Variants in TMTC1 observed in about 807,000 individuals in gnomAD.
TMTC1 encodes the protein transmembrane O-mannosyltransferase targeting cadherins 1.
Under a neutral mutation model 104.8 loss-of-function variants are expected in TMTC1, and 73 were observed. That is an observed-to-expected ratio of 0.70 (90% CI 0.58 to 0.85). The LOEUF (loss-of-function observed/expected upper bound fraction) is 0.85. Among genes scored for constraint, TMTC1 ranks in the 40% least tolerant of loss-of-function variants. The pLI is 0.00. For synonymous variants in TMTC1, 434 were observed against 428.7 expected (o/e 1.01, Z -0.15); for missense variants, 1,035 against 1,096.1 (o/e 0.94, Z 0.79).
chr12:29,521,501 T>C (rs1944157081), intron 11 of TMTC1, among the ~76,000 whole-genome samples: 1 of 152,160 alleles, frequency 6.6e-6, no homozygotes, highest in African/African-American at 2.4e-5. Flanking sequence ...TGTCTAAAGA[T>C]TCACTTTAGC....
intron 7 of TMTC1, among the ~76,000 whole-genome samples, chr12:29,597,093 A>G (rs771770081): frequency 2.0e-4 from 31 of 152,254 alleles, no homozygotes; most frequent in Non-Finnish European, 2.9e-4. Flanking sequence ...CCGCAGTATC[A>G]TCTCTTGAAG....
At chr12:29,781,180 G>A (rs972158139) in intron 1 of TMTC1, among the ~76,000 whole-genome samples, 1 of 152,054 alleles carries the variant, frequency 6.6e-6, no homozygotes, top group Admixed American at 6.5e-5. Context: ...TGCATGTGAG[G>A]ACAGAAAGAC....
At chr12:29,740,089 TTACTC>T (rs1359305962) in intron 5 of TMTC1, among the ~76,000 whole-genome samples, 1 of 152,144 alleles carries the variant, frequency 6.6e-6, no homozygotes, top group African/African-American at 2.4e-5. Flanking sequence ...TCATCATAGT[TTACTC>T]TAGGCAGGAA....
chr12:29,673,161 A>G (rs1445508979), intron 5 of TMTC1, among the ~76,000 whole-genome samples: 1 of 152,224 alleles, frequency 6.6e-6, no homozygotes, highest in East Asian at 1.9e-4. Flanking sequence ...GGGGAGATAC[A>G]TTATACTTTA....
chr12:29,568,820 TGACTTGTTGGGTGGTCTCTGGACTTTC>T (rs1246760973), intron 9 of TMTC1: 32 of 430,076 alleles, frequency 7.4e-5, no homozygotes, highest in African/African-American at 5.5e-4. Context: ...TAGGAAGGGC[TGACTTGTTGGGTGGTCTCTGGACTTTC>T]TACTCCCATC....
chr12:29,663,750 C>T (rs1940145583), intron 5 of TMTC1, among the ~76,000 whole-genome samples: 2 of 148,960 alleles, frequency 1.3e-5, no homozygotes, highest in African/African-American at 2.5e-5. Context: ...CTCCTGACCT[C>T]AGGTGATCCA....
Position 29,575,055 on chromosome 12 carries a change from ATTGTTTTATCCT to A in TMTC1, c.1419-2849_1419-2838del, listed in dbSNP as rs769411937. On this transcript the variant is annotated intron_variant, in intron 8 of 17. Transcript: ENST00000539277. ...CGAGGAGGGGTGGGAGCAGGAAGGG[ATTGTTTTATCCT>A]TTGTAGCTGCTTCAGAAACAATGTC... is the stretch of plus-strand genomic sequence containing the variant. Among the ~76,000 whole-genome samples the A allele has an allele frequency of 3.0e-4, 45 of 152,206 alleles. 1 individual carries two copies. The highest frequency in any genetic ancestry group is 3.4e-3 in the Middle Eastern group (1 of 294).
At chr12:29,688,226 G>A (rs1306410993) in intron 5 of TMTC1, among the ~76,000 whole-genome samples, 2 of 152,060 alleles carry the variant, frequency 1.3e-5, no homozygotes, top group Non-Finnish European at 2.9e-5. Context: ...TTTCCTAAGG[G>A]TCAACCAGAA....
At chr12:29,712,931 G>A (rs1048695849) in intron 5 of TMTC1, among the ~76,000 whole-genome samples, 7 of 152,090 alleles carry the variant, frequency 4.6e-5, no homozygotes, top group African/African-American at 1.7e-4. Context: ...AGGCTACGGT[G>A]TTCAGTTGTT....
chr12:29,704,839 C>T (rs1258852453), intron 5 of TMTC1, among the ~76,000 whole-genome samples: 5 of 152,182 alleles, frequency 3.3e-5, no homozygotes, highest in Non-Finnish European at 7.4e-5. Flanking sequence ...TGGTTCTACT[C>T]CACTTCCAGG....
chr12:29,516,299 C>T (rs771747197), intron 15 of TMTC1, 50 bp downstream of exon 15: 2 of 1,572,730 alleles, frequency 1.3e-6, no homozygotes, highest in South Asian at 2.3e-5. Context: ...TAGGTGCACC[C>T]CATGTTTAAC....
chr12:29,703,536 G>T (rs1164668397), intron 5 of TMTC1, among the ~76,000 whole-genome samples: 1 of 152,070 alleles, frequency 6.6e-6, no homozygotes, highest in African/African-American at 2.4e-5. Flanking sequence ...TAGAGAACTG[G>T]TTGCTTTTTT....
At chr12:29,581,698 G>A (rs1945985202) in intron 8 of TMTC1, among the ~76,000 whole-genome samples, 1 of 152,008 alleles carries the variant, frequency 6.6e-6, no homozygotes, top group African/African-American at 2.4e-5. Context: ...CCTTTATTCA[G>A]GCAAAAGGTT....
rs760976880 is a variant in TMTC1 at position 29,536,158 on chromosome 12, T to C, written c.1785+51A>G. On this transcript the variant is annotated intron_variant, in intron 11 of 17. Coordinates refer to ENST00000539277, the MANE Select transcript of TMTC1 (RefSeq NM_001193451.2). Reference sequence around the variant, plus strand: ...AGTACAAAAATCTGTGTAACATTAATTTATACATGTAACAATAACATTGAA... The same window carrying C: ...AGTACAAAAATCTGTGTAACATTAACTTATACATGTAACAATAACATTGAA... 4 of 1,185,092 alleles carry C rather than the reference T, an allele frequency of 3.4e-6. No individual in the cohort carries two copies. In the South Asian group the frequency reaches 5.0e-5, roughly 15 times the overall value. The allele number at this position is 1,185,092 out of a possible 1,614,324, so 73.4% of individuals were successfully genotyped here.
chr12:29,676,124 C>T (rs1394618256), intron 5 of TMTC1, among the ~76,000 whole-genome samples: 1 of 152,170 alleles, frequency 6.6e-6, no homozygotes, highest in African/African-American at 2.4e-5. Flanking sequence ...TGCAAATAAC[C>T]TAAACATTCA....
At chr12:29,683,970 A>C (rs1483633314) in intron 5 of TMTC1, among the ~76,000 whole-genome samples, 1 of 151,994 alleles carries the variant, frequency 6.6e-6, no homozygotes, top group Non-Finnish European at 1.5e-5. Flanking sequence ...TAGCTTTCCA[A>C]GTAGCTGGGA....
chr12:29,582,113 C>T (rs1462227371), intron 8 of TMTC1, among the ~76,000 whole-genome samples: 4 of 152,194 alleles, frequency 2.6e-5, no homozygotes, highest in Non-Finnish European at 5.9e-5. Flanking sequence ...ATAGGACATG[C>T]ATGCCAGACT....
At chr12:29,699,287 A>C (rs1322744500) in intron 5 of TMTC1, among the ~76,000 whole-genome samples, 1 of 152,204 alleles carries the variant, frequency 6.6e-6, no homozygotes, top group African/African-American at 2.4e-5. Flanking sequence ...ATGGCTAGTC[A>C]CAATTTTATG....
At chr12:29,530,039 T>C (rs1300744685) in intron 11 of TMTC1, 2 of 152,214 alleles carry the variant, frequency 1.3e-5, no homozygotes, top group Non-Finnish European at 2.9e-5. Context: ...CATTTGCATA[T>C]AATTGCAGCT....
Sources: allele counts gnomAD v4.1 joint callset (sites outside exome capture counted in the v4.1 genomes callset), GRCh38; gene constraint gnomAD v4.1.1; transcripts MANE v1.5; gene names NCBI Gene and HGNC (gene_info 2026-07-23, HGNC 2026-07-21).